Variants in IL17RE observed in about 807,000 individuals in gnomAD.
IL17RE encodes the protein interleukin-17 receptor E.
IL17RE carries 47 observed loss-of-function variants against 70.7 expected under a neutral mutation model. That is an observed-to-expected ratio of 0.67 (90% CI 0.53 to 0.85). The LOEUF is 0.85. Among genes scored for constraint, IL17RE ranks in the 40% least tolerant of loss-of-function variants. The pLI, the probability that IL17RE is intolerant of heterozygous loss-of-function variation, is 0.00. For synonymous variants in IL17RE, 372 were observed against 381.2 expected (o/e 0.98, Z 0.28); for missense variants, 850 against 893.9 (o/e 0.95, Z 0.63).
rs984942884 is a variant in IL17RE at position 9,906,233 on chromosome 3, A to G, written c.269-131A>G. 1.6e-5 allele frequency: 6 copies of G among 380,602 alleles called. No homozygotes were observed. In the Admixed American group the frequency reaches 2.0e-4, roughly 13 times the overall value. 23.6% of individuals were successfully genotyped at this position (380,602 alleles called of 1,614,324 possible). A position where few individuals can be genotyped will look rare whatever the true frequency, so the allele number is the denominator to read the frequency against. ...CATTGCTCTCCAGCCTGGGCAACAA[A>G]GAGCAAAACTCCATATCAAAATAAA... On this transcript the variant is annotated intron_variant, in intron 3 of 15. Coordinates refer to ENST00000383814, the MANE Select transcript of IL17RE (RefSeq NM_153480.2).
At chr3:9,909,347 A>T (rs774722625) in intron 8 of IL17RE, 64 bp downstream of exon 8, 2 of 1,256,662 alleles carry the variant, frequency 1.6e-6, no homozygotes, top group Middle Eastern at 1.8e-4. Flanking sequence ...TCTCCTACAC[A>T]CACATGTACA....
chr3:9,914,852 G>A, intron 15 of IL17RE, 75 bp downstream of exon 15: 1 of 1,231,570 alleles, frequency 8.1e-7, no homozygotes, highest in Admixed American at 1.8e-5. Flanking sequence ...ACCCTCCCCT[G>A]TCTGAGCTCT....
At chr3:9,910,843 A>T in intron 8 of IL17RE, 22 bp from the exon 9 acceptor site, 1 of 1,608,824 alleles carries the variant, frequency 6.2e-7, no homozygotes, top group Non-Finnish European at 8.5e-7. Flanking sequence ...ACCCTCACCC[A>T]CTGACCCTGC....
intron 3 of IL17RE, among the ~76,000 whole-genome samples, chr3:9,905,204 C>T (rs1013973604): frequency 1.3e-5 from 2 of 151,972 alleles, no homozygotes; most frequent in African/African-American, 4.8e-5. Context: ...GCCGGTAATC[C>T]CAGTACTTTG....
At chr3:9,914,257 C>T in intron 13 of IL17RE, 1 of 718,362 alleles carries the variant, frequency 1.4e-6, no homozygotes. Flanking sequence ...GTGACAATGG[C>T]CTGGAGCTCA....
chr3:9,909,628 A>G (rs756512496), intron 8 of IL17RE: 3 of 255,956 alleles, frequency 1.2e-5, no homozygotes, highest in African/African-American at 2.2e-5. Flanking sequence ...CACTTTCCTC[A>G]TCTGTAAAAT....
chr3:9,911,217 C>A, intron 10 of IL17RE, 38 bp from the exon 11 acceptor site: 1 of 1,614,142 alleles, frequency 6.2e-7, no homozygotes, highest in East Asian at 2.2e-5. Context: ...GTGGGTATTG[C>A]CTGGAGCTTG....
Position 9,913,980 on chromosome 3 carries a change from C to A in IL17RE, c.1252C>A (p.Leu418Ile). ...SQARGSSPVS[L>I]DLIIPFLRPG... ...GGCCCGGGGCTCAAGCCCAGTGTCA[C>A]TAGACCTCATCATTCCCTTCCTGAG... Residue 418 changes from leucine to isoleucine, a missense_variant, in exon 13 of 16, where the codon CTA becomes ATA. Transcript: ENST00000383814. 6.2e-7 allele frequency: 1 copy of A among 1,614,152 alleles called. No individual in the cohort carries two copies. Among genetic ancestry groups the A allele is most frequent in the Middle Eastern group, 1.6e-4 (1 of 6,062 alleles).
At chr3:9,907,139 C>T in intron 6 of IL17RE, 39 bp downstream of exon 6, 1 of 1,611,316 alleles carries the variant, frequency 6.2e-7, no homozygotes, top group Non-Finnish European at 8.5e-7. Flanking sequence ...CCCGATCACA[C>T]AGTGCTAGCA....
At chr3:9,908,182 A>G (rs1373321249) in intron 6 of IL17RE, 57 bp from the exon 7 acceptor site, 1 of 1,435,784 alleles carries the variant, frequency 7.0e-7, no homozygotes, top group Admixed American at 1.7e-5. Flanking sequence ...GCCCTTGTCT[A>G]TGTGCCCATG....
chr3:9,914,522 A>G, intron 13 of IL17RE, 26 bp from the exon 14 acceptor site: 6 of 1,612,932 alleles, frequency 3.7e-6, no homozygotes, highest in Non-Finnish European at 5.1e-6. Flanking sequence ...CCTGGCTCAT[A>G]GGGGTGGGGG....
intron 6 of IL17RE, 56 bp from the exon 7 acceptor site, chr3:9,908,183 T>A: frequency 6.9e-7 from 1 of 1,448,698 alleles, no homozygotes. Flanking sequence ...CCCTTGTCTA[T>A]GTGCCCATGC....
At chr3:9,904,714 G>A (rs769611258) in intron 3 of IL17RE, among the ~76,000 whole-genome samples, 2 of 152,176 alleles carry the variant, frequency 1.3e-5, no homozygotes, top group African/African-American at 4.8e-5. Flanking sequence ...TTGAACCCAG[G>A]AGGTGGAGGT....
Position 9,910,979 on chromosome 3 carries a change from G to C in IL17RE, c.917G>C (p.Arg306Thr). 1.9e-6 allele frequency: 3 copies of C among 1,614,170 alleles called. No homozygotes were observed. Among genetic ancestry groups the C allele is most frequent in the Non-Finnish European group, 1.7e-6 (2 of 1,180,028 alleles). ...PLKLEAALCQRHDWHTLCKDL... is the reference protein window; with the variant it reads ...PLKLEAALCQTHDWHTLCKDL... ...AAGCTGGAAGCTGCCCTCTGCCAGA[G>C]GCACGACTGGCATACCCTTTGCAAA... The change falls in exon 9 of 16, where the codon AGG (arginine) becomes ACG (threonine). Residue 306 changes from arginine (R) to threonine (T), a missense_variant. Arg to Thr is a moderately conservative substitution (Grantham distance 71). Transcript: ENST00000383814.
intron 8 of IL17RE, chr3:9,910,496 C>T (rs142372985): frequency 8.2e-5 from 18 of 220,132 alleles, no homozygotes; most frequent in African/African-American, 1.6e-4. Context: ...GGTCAGGAGA[C>T]CAGCCTGGCC....
chr3:9,916,181 A>C lies in IL17RE; in HGVS notation c.*374A>C. The C allele has an allele frequency of 5.4e-6, 1 of 184,276 alleles. No individual in the cohort carries two copies. Among genetic ancestry groups the C allele is most frequent in the Non-Finnish European group, 1.1e-5 (1 of 89,830 alleles). 11.4% of individuals were successfully genotyped at this position (184,276 alleles called of 1,614,324 possible). A position where few individuals can be genotyped will look rare whatever the true frequency, so the allele number is the denominator to read the frequency against. On this transcript the variant is annotated 3_prime_UTR_variant, in exon 16 of 16. Transcript: ENST00000383814. The stretch of plus-strand genomic sequence containing the variant: ...CTGAAGGAGGGTGAGGCGGTGGGGG[A>C]TTGCAGGGGGCGGCTGAGAGAAAAC...
chr3:9,906,722 G>A lies in IL17RE; in HGVS notation c.383G>A (p.Arg128His), dbSNP rs779011867. Residue 128 changes from arginine to histidine, a missense_variant, in exon 5 of 16, where the codon CGT becomes CAT. Coordinates refer to ENST00000383814, the MANE Select transcript of IL17RE (RefSeq NM_153480.2). ...TGCCTTTAGAGGAAGCTGCTGCCTCGTCGTCACCTGTCTGAGAAGAGCCAT... is the reference window on the plus strand; with the variant it reads ...TGCCTTTAGAGGAAGCTGCTGCCTCATCGTCACCTGTCTGAGAAGAGCCAT... ...PAPAQRKLLP[R>H]RHLSEKSHHI... The A allele has an allele frequency of 1.6e-5, 26 of 1,614,000 alleles. No homozygotes were observed. The highest frequency in any genetic ancestry group is 1.2e-4 in the African/African-American group (9 of 74,892).
At chr3:9,911,844 C>T (rs1291805302) in intron 12 of IL17RE, 2 of 390,954 alleles carry the variant, frequency 5.1e-6, no homozygotes, top group Admixed American at 4.3e-5. Flanking sequence ...CTCTGTCACC[C>T]AGGCTGGAGT....
At chr3:9,911,807 C>CTTTT in intron 12 of IL17RE, 1 of 395,674 alleles carries the variant, frequency 2.5e-6, no homozygotes. Flanking sequence ...TTCTTTTTTT[C>CTTTT]TTTTTTTTTT....
Sources: gnomAD v4.1 joint callset for allele counts (sites outside exome capture counted in the v4.1 genomes callset) on GRCh38, gnomAD v4.1.1 for gene constraint, MANE v1.5 for transcripts, NCBI Gene and HGNC (gene_info 2026-07-23, HGNC 2026-07-21) for gene names.